Variants in IFFO1 observed in about 807,000 individuals in gnomAD.
IFFO1 encodes non-homologous end joining factor IFFO1.
IFFO1 carries 42 observed loss-of-function variants against 59.6 expected under a neutral mutation model. That is an observed-to-expected ratio of 0.70 (90% CI 0.55 to 0.91). The LOEUF (loss-of-function observed/expected upper bound fraction) is 0.91, where lower values mean the gene tolerates loss of function less well. IFFO1 is among the 40% of genes least tolerant of loss of function. IFFO1 has a pLI of 0.00. For missense variants in IFFO1, 711 were observed against 793.2 expected (o/e 0.90, Z 1.24); for synonymous variants, 336 against 342.8 (o/e 0.98, Z 0.22).
rs1383012219 is a variant in IFFO1 at position 6,540,448 on chromosome 12, T to A, written c.*35A>T. On this transcript the variant is annotated 3_prime_UTR_variant, in exon 10 of 10. Coordinates refer to ENST00000619571, the MANE Select transcript of IFFO1 (RefSeq NM_001193457.2). ...CCCTCTGCCTCGCTGAGCTCCCTGC[T>A]GCGAGGGCCTCGGGTGCAAGGGGGA... The A allele has an allele frequency of 1.9e-6, 3 of 1,540,462 alleles. No homozygotes were observed. Among genetic ancestry groups the A allele is most frequent in the Admixed American group, 1.7e-5 (1 of 59,956 alleles).
intron 1 of IFFO1, among the ~76,000 whole-genome samples, chr12:6,552,997 T>C (rs1408896140): frequency 6.6e-6 from 1 of 152,166 alleles, no homozygotes; most frequent in African/African-American, 2.4e-5. Flanking sequence ...CATTCCTATG[T>C]TGGGAAAATG....
intron 8 of IFFO1, among the ~76,000 whole-genome samples, chr12:6,543,060 C>T (rs1459975814): frequency 1.3e-5 from 2 of 152,126 alleles, no homozygotes; most frequent in African/African-American, 2.4e-5. Flanking sequence ...ACTGCAGGCT[C>T]GCTGTGTGAA....
At position 6,541,662 on chromosome 12, in the gene IFFO1, G is replaced by A. The variant is rs1216840575; in HGVS notation, c.1480-20C>T. The A allele has an allele frequency of 1.9e-6, 3 of 1,613,450 alleles. No individual in the cohort carries two copies. The highest frequency in any genetic ancestry group is 2.2e-5 in the East Asian group (1 of 44,900). The stretch of plus-strand genomic sequence containing the variant: ...CTCCAGCTGTGGTGGGGCAGGCAGG[G>A]CCATCGGGGTTAACAGGTGGCGTTC... On this transcript the variant is annotated intron_variant, in intron 8 of 9. Coordinates refer to ENST00000619571, the MANE Select transcript of IFFO1 (RefSeq NM_001193457.2). The surrounding 1 kb of genome is among the most constrained non-coding windows in gnomAD (Gnocchi z 4.8).
Position 6,541,445 on chromosome 12 carries a change from G to A in IFFO1, c.1610+67C>T. On this transcript the variant is annotated intron_variant, in intron 9 of 9. Transcript: ENST00000619571. The surrounding 1 kb of genome is among the most constrained non-coding windows in gnomAD (Gnocchi z 4.8). Reference sequence around the variant, plus strand: ...CAGTCATTGCCTGAGGGTCTCTGGGGCTGTGTTCCAACCTTTCTCCCCGCT... The same window carrying A: ...CAGTCATTGCCTGAGGGTCTCTGGGACTGTGTTCCAACCTTTCTCCCCGCT... The A allele has an allele frequency of 6.3e-6, 10 of 1,588,160 alleles. No individual in the cohort carries two copies. The highest frequency in any genetic ancestry group is 2.2e-4 in the Middle Eastern group (1 of 4,532).
In IFFO1 at chr12:6,541,658, C is replaced by T. The variant is rs759791127; in HGVS notation, c.1480-16G>A. 1 of 1,613,594 alleles carries T rather than the reference C, an allele frequency of 6.2e-7. No individual in the cohort carries two copies. Among genetic ancestry groups the T allele is most frequent in the South Asian group, 1.1e-5 (1 of 91,086 alleles). ...CCAACTCCAGCTGTGGTGGGGCAGGCAGGGCCATCGGGGTTAACAGGTGGC... is the reference window on the plus strand; with the variant it reads ...CCAACTCCAGCTGTGGTGGGGCAGGTAGGGCCATCGGGGTTAACAGGTGGC... On this transcript the variant is annotated splice_polypyrimidine_tract_variant and intron_variant, in intron 8 of 9. Coordinates refer to ENST00000619571, the MANE Select transcript of IFFO1 (RefSeq NM_001193457.2). This position sits in a 1 kb window ranked among gnomAD's most constrained non-coding sequence, Gnocchi z 4.8.
chr12:6,539,038 G>A (rs991902501), downstream of IFFO1: 3 of 152,226 alleles, frequency 2.0e-5, no homozygotes, highest in African/African-American at 7.2e-5. Flanking sequence ...GGGAACTTGG[G>A]TAGGGGCAAG....
At chr12:6,553,771 C>CA (rs1947330745) in intron 1 of IFFO1, among the ~76,000 whole-genome samples, 1 of 152,056 alleles carries the variant, frequency 6.6e-6, no homozygotes, top group African/African-American at 2.4e-5. Flanking sequence ...GTCCCTGTCT[C>CA]AATATTTTAA....
chr12:6,553,531 C>A (rs1209829271), intron 1 of IFFO1, among the ~76,000 whole-genome samples: 1 of 151,808 alleles, frequency 6.6e-6, no homozygotes, highest in Non-Finnish European at 1.5e-5. Context: ...GAAGCCAGCA[C>A]GAGGACAGGA....
At position 6,555,298 on chromosome 12, in the gene IFFO1, C is replaced by A; in HGVS notation, c.732G>T (p.Val244=). ...CCCGCTCCCGCTTCACTTTGGCCAG[C>A]ACGTTGTAGAGAGCGCGGATCTCGG... is the stretch of plus-strand genomic sequence containing the variant. The part of the protein sequence containing the change: ...ITPEIRALYN[V]LAKVKRERDE... The change falls in exon 1 of 10, where the codon GTG becomes GTT. Residue 244 remains valine (V), a synonymous_variant. Coordinates refer to ENST00000619571, the MANE Select transcript of IFFO1 (RefSeq NM_001193457.2). This position sits in a 1 kb window ranked among gnomAD's most constrained non-coding sequence, Gnocchi z 8.6. 1 of 1,614,194 alleles carries A rather than the reference C, an allele frequency of 6.2e-7. No individual in the cohort carries two copies. The highest frequency in any genetic ancestry group is 8.5e-7 in the Non-Finnish European group (1 of 1,180,018).
intron 8 of IFFO1, among the ~76,000 whole-genome samples, chr12:6,545,960 A>G (rs1169448556): frequency 1.2e-4 from 18 of 152,248 alleles, no homozygotes. Flanking sequence ...TTAAGTGAAA[A>G]GGTAAAAGTT....
Position 6,549,981 on chromosome 12 carries a change from CCCA to C in IFFO1, c.931-88_931-86del. 1 of 1,412,136 alleles carries C rather than the reference CCCA, an allele frequency of 7.1e-7. No homozygotes were observed. The highest frequency in any genetic ancestry group is 9.6e-7 in the Non-Finnish European group (1 of 1,037,234). The allele number at this position is 1,412,136 out of a possible 1,614,324, so 87.5% of individuals were successfully genotyped here. On this transcript the variant is annotated intron_variant, in intron 3 of 9. Coordinates refer to ENST00000619571, the MANE Select transcript of IFFO1 (RefSeq NM_001193457.2). This position sits in a 1 kb window ranked among gnomAD's most constrained non-coding sequence, Gnocchi z 5.0. ...TAGGCCTGGCAAGGTCCTCATCCTTCCCACCACATTGCACCGGTGCCTCTTCTG... is the reference window on the plus strand; with the variant it reads ...TAGGCCTGGCAAGGTCCTCATCCTTCCCACATTGCACCGGTGCCTCTTCTG...
chr12:6,539,510 G>A (rs1409549451), downstream of IFFO1: 2 of 151,728 alleles, frequency 1.3e-5, no homozygotes, highest in Non-Finnish European at 2.9e-5. Context: ...GGAAGTGCTT[G>A]AGACAGTGAC....
chr12:6,543,988 T>A (rs181165024), intron 8 of IFFO1: 77 of 152,130 alleles, frequency 5.1e-4, no homozygotes, highest in African/African-American at 1.7e-3. Context: ...TAATAATTTT[T>A]AAAAATAGTA....
chr12:6,546,048 T>C (rs1010722047), intron 8 of IFFO1, among the ~76,000 whole-genome samples: 10 of 152,160 alleles, frequency 6.6e-5, no homozygotes, highest in African/African-American at 2.4e-4. Flanking sequence ...ATCCGTGAAA[T>C]TGTAAAGAAG....
chr12:6,555,326 G>A lies in IFFO1; in HGVS notation c.704C>T (p.Thr235Met). The change falls in exon 1 of 10, where the codon ACG becomes ATG. Residue 235 changes from threonine (T) to methionine (M), a missense_variant. By Grantham distance (81) the Thr-to-Met change is moderately conservative. This residue lies in a region of IFFO1 where 579 missense variants were observed against 650.3 expected (regional missense o/e 0.89). Coordinates refer to ENST00000619571, the MANE Select transcript of IFFO1 (RefSeq NM_001193457.2). The surrounding 1 kb of genome is among the most constrained non-coding windows in gnomAD (Gnocchi z 8.6). ...DGVGVQIDTITPEIRALYNVL... is the reference protein window; with the variant it reads ...DGVGVQIDTIMPEIRALYNVL... The stretch of plus-strand genomic sequence containing the variant: ...GTTGTAGAGAGCGCGGATCTCGGGC[G>A]TGATGGTGTCGATCTGGACGCCCAC... 6.2e-7 allele frequency: 1 copy of A among 1,614,208 alleles called. No individual in the cohort carries two copies. The highest frequency in any genetic ancestry group is 1.3e-5 in the African/African-American group (1 of 75,058).
Position 6,548,355 on chromosome 12 carries a change from G to A in IFFO1, c.1383+70C>T, listed in dbSNP as rs1947065482. The A allele has an allele frequency of 1.8e-5, 27 of 1,541,420 alleles. No individual in the cohort carries two copies. The highest frequency in any genetic ancestry group is 2.4e-5 in the Non-Finnish European group (27 of 1,134,768). ...CACATGGGGGGACAGAGCAAGGAGA[G>A]GAGCGGGGGAGTGGGCTTCAGGCTG... is the stretch of plus-strand genomic sequence containing the variant. On this transcript the variant is annotated intron_variant, in intron 7 of 9. Transcript: ENST00000619571. The surrounding 1 kb of genome is among the most constrained non-coding windows in gnomAD (Gnocchi z 6.1).
intron 1 of IFFO1, chr12:6,551,711 C>A (rs769614490): frequency 1.1e-5 from 4 of 361,598 alleles, no homozygotes; most frequent in Non-Finnish European, 2.2e-5. Flanking sequence ...GCACTCAAAC[C>A]CAGAGGGAAA....
chr12:6,547,106 T>C (rs1291590654), intron 8 of IFFO1, among the ~76,000 whole-genome samples: 1 of 152,194 alleles, frequency 6.6e-6, no homozygotes, highest in Non-Finnish European at 1.5e-5. Context: ...TATTATTAAA[T>C]TCCTCATTTT....
Position 6,541,432 on chromosome 12 carries a change from G to T in IFFO1, c.1610+80C>A. ...GCAAGATGTGACCCAGTCATTGCCT[G>T]AGGGTCTCTGGGGCTGTGTTCCAAC... On this transcript the variant is annotated intron_variant, in intron 9 of 9. Coordinates refer to ENST00000619571, the MANE Select transcript of IFFO1 (RefSeq NM_001193457.2). This position sits in a 1 kb window ranked among gnomAD's most constrained non-coding sequence, Gnocchi z 4.8. 6.4e-7 allele frequency: 1 copy of T among 1,559,782 alleles called. No individual in the cohort carries two copies. The highest frequency in any genetic ancestry group is 1.3e-5 in the African/African-American group (1 of 74,238).
Sources: gnomAD v4.1 joint callset for allele counts (sites outside exome capture counted in the v4.1 genomes callset) on GRCh38, gnomAD v4.1.1 for gene constraint, gnomAD v4.1.1 regional missense constraint, Gnocchi (gnomAD v3.1) non-coding constraint, MANE v1.5 for transcripts, NCBI Gene and HGNC (gene_info 2026-07-23, HGNC 2026-07-21) for gene names.